Variants in FLT1 observed in about 807,000 individuals in gnomAD.
FLT1 encodes vascular endothelial growth factor receptor 1.
A neutral mutation model predicts 156.3 loss-of-function variants in FLT1; 49 were observed. The observed-to-expected ratio is 0.31, with a 90% CI of 0.25 to 0.40. The LOEUF (loss-of-function observed/expected upper bound fraction) is 0.40, where lower values mean the gene tolerates loss of function less well. FLT1 is among the 10% of genes least tolerant of loss of function. The pLI is 1.00. For synonymous variants in FLT1, 594 were observed against 583.8 expected, an observed-to-expected ratio of 1.02 and a Z score of -0.25; for missense variants, 1,322 against 1,637.2, an observed-to-expected ratio of 0.81 and a Z score of 3.32.
Position 28,319,477 on chromosome 13 carries a change from T to C in FLT1, c.3232A>G (p.Thr1078Ala), listed in dbSNP as rs895427992. 9 of 1,613,928 alleles carry C rather than the reference T, an allele frequency of 5.6e-6. No homozygotes were observed. In the Admixed American group the frequency reaches 6.7e-5, roughly 12 times the overall value. Residue 1078 changes from threonine to alanine, a missense_variant, in exon 24 of 30, where the codon ACC (threonine) becomes GCC (alanine). By Grantham distance (58) the Thr-to-Ala change is moderately conservative. Coordinates refer to ENST00000282397, the MANE Select transcript of FLT1 (RefSeq NM_002019.4). ...CCGTAAGACCACACGTCGCTCTTGGTGCTGTAGATTTTGTCAAAGATAGAT... is the reference window on the plus strand; with the variant it reads ...CCGTAAGACCACACGTCGCTCTTGGCGCTGTAGATTTTGTCAAAGATAGAT... Reference protein sequence around the residue: ...PESIFDKIYSTKSDVWSYGVL... With the variant: ...PESIFDKIYSAKSDVWSYGVL...
rs1334127831 is a variant in FLT1, at chr13:28,449,003, G to A, written c.389-10658C>T. Among the ~76,000 whole-genome samples the A allele has an allele frequency of 2.6e-5, 4 of 152,252 alleles. No homozygotes were observed. In the East Asian group the frequency reaches 7.7e-4, roughly 29 times the overall value. The stretch of plus-strand genomic sequence containing the variant: ...TGATTTAAATATGTCTTTCAAGGTT[G>A]GGTGCGATGGCTCACACTTGTAATT... On this transcript the variant is annotated intron_variant, in intron 3 of 29. Coordinates refer to ENST00000282397, the MANE Select transcript of FLT1 (RefSeq NM_002019.4).
At position 28,390,085 on chromosome 13, in the gene FLT1, A is replaced by G. The variant is rs761056877; in HGVS notation, c.1680T>C (p.His560=). ...CCGTCGGCATTTTTTCCAAGTTAAC[A>G]TGAAACCCATTTGGCACATCTATAA... The part of the protein sequence containing the change: ...FYITDVPNGF[H]VNLEKMPTEG... Residue 560 remains histidine (H), a synonymous_variant, in exon 13 of 30, where the codon CAT becomes CAC. Coordinates refer to ENST00000282397, the MANE Select transcript of FLT1 (RefSeq NM_002019.4). The G allele has an allele frequency of 3.1e-6, 5 of 1,614,108 alleles. No individual in the cohort carries two copies. The highest frequency in any genetic ancestry group is 1.1e-5 in the South Asian group (1 of 91,082).
chr13:28,380,728 T>A (rs1326998233), intron 14 of FLT1, among the ~76,000 whole-genome samples: 1 of 152,124 alleles, frequency 6.6e-6, no homozygotes, highest in Non-Finnish European at 1.5e-5. Context: ...GTTTTAGGGT[T>A]GTTTGACATT....
At position 28,317,488 on chromosome 13, in the gene FLT1, A is replaced by G. The variant is rs1205611945; in HGVS notation, c.3386+10T>C. Reference sequence around the variant, plus strand: ...TGTCAGATGGGGAGCAGAGGGCACCAAGGGCTCACATTTCAGGAGTAGAGT... The same window carrying G: ...TGTCAGATGGGGAGCAGAGGGCACCGAGGGCTCACATTTCAGGAGTAGAGT... On this transcript the variant is annotated intron_variant, in intron 25 of 29. Transcript: ENST00000282397. 2 of 1,584,508 alleles carry G rather than the reference A, an allele frequency of 1.3e-6. No homozygotes were observed. Among genetic ancestry groups the G allele is most frequent in the Non-Finnish European group, 1.7e-6 (2 of 1,153,614 alleles).
intron 10 of FLT1, among the ~76,000 whole-genome samples, chr13:28,422,935 T>G (rs1013315371): frequency 6.6e-6 from 1 of 152,176 alleles, no homozygotes. Flanking sequence ...CAGTCCTGTA[T>G]TATTATTGTT....
At chr13:28,390,528 T>C (rs905695709) in intron 12 of FLT1, among the ~76,000 whole-genome samples, 1 of 152,194 alleles carries the variant, frequency 6.6e-6, no homozygotes, top group Non-Finnish European at 1.5e-5. Flanking sequence ...CTAGAGTAGC[T>C]GGAATTACAG....
intron 14 of FLT1, chr13:28,368,173 G>C (rs751218934): frequency 3.9e-6 from 2 of 506,362 alleles, no homozygotes; most frequent in Non-Finnish European, 5.2e-6. Flanking sequence ...TGTTTTTTGA[G>C]ACGGAGTTTC....
chr13:28,489,584 A>G (rs1271527909), intron 1 of FLT1, among the ~76,000 whole-genome samples: 1 of 152,184 alleles, frequency 6.6e-6, no homozygotes, highest in Non-Finnish European at 1.5e-5. Flanking sequence ...ACTGGGCTGG[A>G]TCTTGCCAGC....
rs536252522 is a variant in FLT1, at chr13:28,302,730, C to G, written c.*437G>C. The G allele has an allele frequency of 1.2e-5, 3 of 246,598 alleles. No individual in the cohort carries two copies. The East Asian group carries it at 1.7e-4, about 14-fold the overall frequency. 15.3% of individuals were successfully genotyped at this position (246,598 alleles called of 1,614,324 possible). ...TGTCTTAGGCCTGCTAGAGGACTCC[C>G]GAGATGTTGCTCAGGCCAGCCAGTG... On this transcript the variant is annotated 3_prime_UTR_variant, in exon 30 of 30. Coordinates refer to ENST00000282397, the MANE Select transcript of FLT1 (RefSeq NM_002019.4).
chr13:28,381,757 T>A (rs989987428), intron 14 of FLT1, among the ~76,000 whole-genome samples: 3 of 152,196 alleles, frequency 2.0e-5, no homozygotes, highest in Admixed American at 6.5e-5. Flanking sequence ...GCCTAAGTTT[T>A]CCATTCTACA....
chr13:28,467,429 T>A, intron 2 of FLT1, 92 bp downstream of exon 2: 1 of 857,332 alleles, frequency 1.2e-6, no homozygotes, highest in Admixed American at 2.0e-5. Flanking sequence ...TCACAGGAGA[T>A]CACTGAGGTC....
chr13:28,446,641 G>A (rs1008435385), intron 3 of FLT1, among the ~76,000 whole-genome samples: 5 of 152,144 alleles, frequency 3.3e-5, no homozygotes, highest in Non-Finnish European at 7.4e-5. Flanking sequence ...ATTGTGGAAA[G>A]AAATTAAAGA....
intron 14 of FLT1, among the ~76,000 whole-genome samples, chr13:28,371,364 A>G (rs1873558669): frequency 6.6e-6 from 1 of 152,180 alleles, no homozygotes; most frequent in South Asian, 2.1e-4. Flanking sequence ...TAAGTTTTAA[A>G]TTGTACACCA....
At chr13:28,395,154 A>G (rs557285869) in intron 12 of FLT1, among the ~76,000 whole-genome samples, 3 of 152,200 alleles carry the variant, frequency 2.0e-5, no homozygotes, top group African/African-American at 7.2e-5. Context: ...GGTCATCATG[A>G]AAGTATATTT....
At chr13:28,385,795 T>A (rs988409706) in intron 13 of FLT1, 2 of 1,039,604 alleles carry the variant, frequency 1.9e-6, no homozygotes, top group Middle Eastern at 4.5e-4. Context: ...TAAGATGCAA[T>A]ACATTACAAC....
At chr13:28,387,832 G>C (rs532677088) in intron 13 of FLT1, 6 of 952,348 alleles carry the variant, frequency 6.3e-6, no homozygotes, top group Non-Finnish European at 6.3e-6. Context: ...AAGACTCTCC[G>C]GAAGGATTAA....
intron 3 of FLT1, among the ~76,000 whole-genome samples, chr13:28,446,136 G>A (rs1878604636): frequency 6.6e-6 from 1 of 152,172 alleles, no homozygotes; most frequent in South Asian, 2.1e-4. Flanking sequence ...TCAGGAAAAT[G>A]GGAATTGCAC....
chr13:28,418,595 A>G (rs1876796934), intron 10 of FLT1, among the ~76,000 whole-genome samples: 1 of 151,586 alleles, frequency 6.6e-6, no homozygotes, highest in African/African-American at 2.4e-5. Context: ...TATTTATTTA[A>G]GACAGGGTCT....
At chr13:28,327,973 G>T (rs1209316092) in intron 19 of FLT1, among the ~76,000 whole-genome samples, 1 of 152,152 alleles carries the variant, frequency 6.6e-6, no homozygotes, top group Non-Finnish European at 1.5e-5. Flanking sequence ...GACAGAGACG[G>T]CTACCTGGCC....
Sources: allele counts gnomAD v4.1 joint callset (sites outside exome capture counted in the v4.1 genomes callset), GRCh38; gene constraint gnomAD v4.1.1; transcripts MANE v1.5; gene names NCBI Gene and HGNC (gene_info 2026-07-23, HGNC 2026-07-21).